RGPD2: variants seen among roughly 807,000 people sequenced by gnomAD.
RGPD2 encodes RANBP2 like and GRIP domain containing 2, also known as RANBP2-like and GRIP domain-containing protein 2.
RGPD2 carries 2 observed loss-of-function variants against 36.0 expected under a neutral mutation model. That is an observed-to-expected ratio of 0.06 (90% CI 0.02 to 0.17). The LOEUF is 0.17. Among genes scored for constraint, RGPD2 ranks in the 10% least tolerant of loss-of-function variants. The pLI, the probability that RGPD2 is intolerant of heterozygous loss-of-function variation, is 1.00. For synonymous variants in RGPD2, 19 were observed against 163.8 expected (o/e 0.12, Z 6.75); for missense variants, 40 against 464.3 (o/e 0.09, Z 8.40).
the RGPD2 span, among the ~76,000 whole-genome samples, chr2:87,857,602 A>T: frequency 6.7e-6 from 1 of 150,302 alleles, no homozygotes; most frequent in Non-Finnish European, 1.5e-5. Flanking sequence ...TCGGCCTCCC[A>T]AAGTGAGCCA....
At chr2:87,861,109 C>T in the RGPD2 span, among the ~76,000 whole-genome samples, 10 of 148,550 alleles carry the variant, frequency 6.7e-5, no homozygotes, top group South Asian at 2.1e-3. Context: ...CATTTGGATA[C>T]ATAATACATT....
chr2:87,809,822 C>T (rs1362096027), intron 6 of RGPD2, among the ~76,000 whole-genome samples: 2 of 147,284 alleles, frequency 1.4e-5, no homozygotes, highest in African/African-American at 4.9e-5. Flanking sequence ...CTGAGCCTCC[C>T]CCTCTGAGGG....
the RGPD2 span, among the ~76,000 whole-genome samples, chr2:87,939,571 G>T: frequency 6.6e-6 from 1 of 152,032 alleles, no homozygotes; most frequent in Non-Finnish European, 1.5e-5. Context: ...GAAAGTGTTA[G>T]CTTTCATTGT....
At chr2:87,913,552 A>AT in the RGPD2 span, among the ~76,000 whole-genome samples, 1 of 150,372 alleles carries the variant, frequency 6.7e-6, no homozygotes, top group African/African-American at 2.5e-5. Flanking sequence ...AATAATAATA[A>AT]AAAAATACAT....
chr2:87,864,744 G>C, the RGPD2 span, among the ~76,000 whole-genome samples: 1 of 152,256 alleles, frequency 6.6e-6, no homozygotes, highest in African/African-American at 2.4e-5. Flanking sequence ...ACCATCTGTA[G>C]ATCATTTTTC....
At chr2:87,916,892 T>A in the RGPD2 span, among the ~76,000 whole-genome samples, 1 of 151,948 alleles carries the variant, frequency 6.6e-6, no homozygotes, top group South Asian at 2.1e-4. Context: ...GAGTGAAATA[T>A]TTAAAATGTC....
At chr2:87,932,269 GT>G in the RGPD2 span, among the ~76,000 whole-genome samples, 84 of 81,594 alleles carry the variant, frequency 1.0e-3, 7 homozygotes, top group East Asian at 0.013. Flanking sequence ...AGCAACTTCT[GT>G]TTTTTTTTTC....
intron 1 of RGPD2, chr2:87,825,258 A>G (rs1574031381): frequency 2.5e-6 from 1 of 392,890 alleles, no homozygotes; most frequent in South Asian, 1.3e-4. Context: ...TAATCCAACT[A>G]ACCTCAAAAC....
chr2:87,853,640 G>A, the RGPD2 span, among the ~76,000 whole-genome samples: 1 of 150,762 alleles, frequency 6.6e-6, no homozygotes, highest in African/African-American at 2.4e-5. Context: ...TATTACATTT[G>A]CTTTTATATA....
the RGPD2 span, among the ~76,000 whole-genome samples, chr2:87,963,716 G>A: frequency 9.4e-6 from 1 of 106,170 alleles, no homozygotes; most frequent in Non-Finnish European, 1.7e-5. Context: ...CCAAGAGAAT[G>A]AGCACTGAAG....
chr2:87,986,892 T>A, the RGPD2 span, among the ~76,000 whole-genome samples: 1 of 132,180 alleles, frequency 7.6e-6, no homozygotes, highest in Non-Finnish European at 1.7e-5. Context: ...AAAAAAAAAA[T>A]CACTATGAAA....
the RGPD2 span, among the ~76,000 whole-genome samples, chr2:87,940,145 C>T: frequency 1.3e-5 from 2 of 151,780 alleles, no homozygotes; most frequent in Non-Finnish European, 2.9e-5. Flanking sequence ...GAAAGACAAA[C>T]AAAAACATAG....
chr2:87,863,761 TTC>T, the RGPD2 span, among the ~76,000 whole-genome samples: 4 of 152,122 alleles, frequency 2.6e-5, no homozygotes, highest in Admixed American at 2.6e-4. Context: ...TTGATTTATT[TTC>T]TCTGTTATTC....
chr2:87,857,798 T>G, the RGPD2 span, among the ~76,000 whole-genome samples: 1 of 134,454 alleles, frequency 7.4e-6, no homozygotes, highest in African/African-American at 3.1e-5. Flanking sequence ...AAAAAAAAAA[T>G]TAGCATGTTT....
At chr2:87,915,645 C>T in the RGPD2 span, among the ~76,000 whole-genome samples, 405 of 143,884 alleles carry the variant, frequency 2.8e-3, 2 homozygotes, top group Non-Finnish European at 5.1e-3. Context: ...TATATATATA[C>T]ACATATATAT....
chr2:87,876,720 C>A, the RGPD2 span, among the ~76,000 whole-genome samples: 1 of 152,200 alleles, frequency 6.6e-6, no homozygotes, highest in African/African-American at 2.4e-5. Context: ...TAGGTATCTA[C>A]CAGGTCTGCT....
At chr2:87,876,653 G>A in the RGPD2 span, among the ~76,000 whole-genome samples, 1 of 152,292 alleles carries the variant, frequency 6.6e-6, no homozygotes, top group Non-Finnish European at 1.5e-5. Flanking sequence ...AGTAAGTGCT[G>A]TGGGGCAATG....
At chr2:87,973,211 G>C in the RGPD2 span, 50 of 1,607,796 alleles carry the variant, frequency 3.1e-5, no homozygotes, top group Non-Finnish European at 4.2e-5. Flanking sequence ...TCCCACCAGA[G>C]TGCCCTCCCT....
At chr2:87,988,541 A>ATATATATTTTTTTTTTT in the RGPD2 span, among the ~76,000 whole-genome samples, 1 of 54,150 alleles carries the variant, frequency 1.8e-5, no homozygotes, top group African/African-American at 4.4e-5. Context: ...ATATATATAT[A>ATATATATTTTTTTTTTT]TTTTTTTTTT....
Sources: allele counts gnomAD v4.1 joint callset (sites outside exome capture counted in the v4.1 genomes callset), GRCh38; gene constraint gnomAD v4.1.1; transcripts MANE v1.5; gene names NCBI Gene and HGNC (gene_info 2026-07-23, HGNC 2026-07-21).